Variants in POU5F1B observed in about 807,000 individuals in gnomAD.
The protein encoded by POU5F1B is POU class 5 homeobox 1B.
A neutral mutation model predicts 28.1 loss-of-function variants in POU5F1B; 24 were observed. That is an observed-to-expected ratio of 0.85 (90% CI 0.62 to 1.20). The LOEUF is 1.20. POU5F1B is among the 50% of genes most tolerant of loss of function. The probability of loss-of-function intolerance (pLI) is 0.00; values close to 1 mark genes in which losing one functional copy is unlikely to be tolerated. For synonymous variants in POU5F1B, 220 were observed against 193.2 expected (o/e 1.14, Z -1.15); for missense variants, 451 against 451.5 (o/e 1.00, Z 0.01).
At chr8:127,415,673 G>A (rs1159237434) in exon 3 of POU5F1B, 2 of 882,186 alleles carry the variant, frequency 2.3e-6, no homozygotes, top group South Asian at 3.4e-5. Context: ...CAATTCACAG[G>A]TGATTATGAT....
At chr8:127,416,874 C>T (rs1414778258) in exon 3 of POU5F1B, 1 of 1,601,174 alleles carries the variant, frequency 6.2e-7, no homozygotes, top group African/African-American at 1.3e-5. Flanking sequence ...ACTCCTCAGT[C>T]CCTTTCCCTG....
At chr8:127,416,682 G>A in exon 3 of POU5F1B, 1 of 1,607,768 alleles carries the variant, frequency 6.2e-7, no homozygotes, top group Non-Finnish European at 8.5e-7. Flanking sequence ...AGAAGGATGT[G>A]GTCCGAGTGT....
At chr8:127,416,497 G>C (rs1339066339) in exon 3 of POU5F1B, 1 of 1,609,428 alleles carries the variant, frequency 6.2e-7, no homozygotes, top group South Asian at 1.1e-5. Context: ...GGTGGAGGAA[G>C]CTGACAACAA....
At chr8:127,416,674 A>G in exon 3 of POU5F1B, 1 of 1,606,850 alleles carries the variant, frequency 6.2e-7, no homozygotes, top group East Asian at 2.2e-5. Flanking sequence ...TGGGCTCGAG[A>G]AGGATGTGGT....
chr8:127,415,605 A>G, exon 3 of POU5F1B: 2 of 529,382 alleles, frequency 3.8e-6, no homozygotes, highest in Non-Finnish European at 6.1e-6. Context: ...CAATGGACAC[A>G]TTATTCAACA....
exon 3 of POU5F1B, chr8:127,416,517 T>G: frequency 6.2e-7 from 1 of 1,609,206 alleles, no homozygotes; most frequent in East Asian, 2.2e-5. Context: ...ATGAAAATCT[T>G]CAGGAGATAT....
chr8:127,416,075 G>T (rs1388795009), exon 3 of POU5F1B: 2 of 1,612,598 alleles, frequency 1.2e-6, no homozygotes, highest in Non-Finnish European at 1.7e-6. Context: ...TATGAGTTAT[G>T]TGGGGGGATG....
At chr8:127,416,983 G>C (rs772229313) in exon 3 of POU5F1B, 1 of 1,580,024 alleles carries the variant, frequency 6.3e-7, no homozygotes, top group Non-Finnish European at 8.6e-7. Flanking sequence ...ACAGGGGAGG[G>C]GAGGAGCTAG....
exon 3 of POU5F1B, chr8:127,416,194 G>T (rs747888292): frequency 3.7e-6 from 6 of 1,613,844 alleles, no homozygotes; most frequent in Admixed American, 1.7e-5. Context: ...CTCCAATGGG[G>T]CCTCCCCGGA....
At chr8:127,415,726 A>G in exon 3 of POU5F1B, 2 of 1,347,490 alleles carry the variant, frequency 1.5e-6, no homozygotes, top group Non-Finnish European at 1.9e-6. Flanking sequence ...CATTCAGTCA[A>G]CATTTAATGA....
At position 127,415,860 on chromosome 8, in the gene POU5F1B, C is replaced by A; in HGVS notation, c.-7C>A. 6.6e-7 allele frequency: 1 copy of A among 1,515,274 alleles called. No individual in the cohort carries two copies. The highest frequency in any genetic ancestry group is 8.8e-7 in the Non-Finnish European group (1 of 1,132,280). 93.9% of individuals were successfully genotyped at this position (1,515,274 alleles called of 1,614,324 possible). Reference sequence around the variant, plus strand: ...CAGGCCCCCGGCTTGGGGCGCCTTCCTTCCCCATGGCGGGACACCTGGCTT... The same window carrying A: ...CAGGCCCCCGGCTTGGGGCGCCTTCATTCCCCATGGCGGGACACCTGGCTT... On this transcript the variant is annotated 5_prime_UTR_variant, in exon 3 of 3. Coordinates refer to ENST00000465342, the Ensembl canonical transcript of POU5F1B.
At chr8:127,416,064 G>C (rs1160586921) in exon 3 of POU5F1B, 1 of 1,611,748 alleles carries the variant, frequency 6.2e-7, no homozygotes, top group East Asian at 2.2e-5. Context: ...GCCCCCCGCC[G>C]TATGAGTTAT....
chr8:127,414,409 G>C (rs904409062), intron 1 of POU5F1B, among the ~76,000 whole-genome samples: 1 of 152,126 alleles, frequency 6.6e-6, no homozygotes, highest in African/African-American at 2.4e-5. Context: ...GGGAGAAGAG[G>C]GTTGCCACAT....
At chr8:127,417,084 G>T (rs1200791467) in exon 3 of POU5F1B, 10 of 1,218,512 alleles carry the variant, frequency 8.2e-6, no homozygotes, top group Middle Eastern at 2.8e-4. Flanking sequence ...GGTGGGGGCA[G>T]GGGAGTTTGG....
chr8:127,416,335 A>G (rs1222629206), exon 3 of POU5F1B: 2 of 1,613,046 alleles, frequency 1.2e-6, no homozygotes, highest in East Asian at 4.5e-5. Flanking sequence ...GAAGCAGAAG[A>G]GGATCACCCT....
chr8:127,416,121 G>T (rs1464416243), exon 3 of POU5F1B: 1 of 1,613,378 alleles, frequency 6.2e-7, no homozygotes, highest in Non-Finnish European at 8.5e-7. Context: ...TGGGGCTAGT[G>T]CCCCAAGGCG....
rs188813106 is a variant in POU5F1B at position 127,416,336 on chromosome 8, G to T, written c.470G>T (p.Arg157Met). 438 of 1,612,724 alleles carry T rather than the reference G, an allele frequency of 2.7e-4. 4 individuals carry two copies. The East Asian group carries it at 8.6e-3, about 32-fold the overall frequency. ...TTTGCCAAGCTCCTGAAGCAGAAGAGGATCACCCTGGGATATACACAGGCC... is the reference window on the plus strand; with the variant it reads ...TTTGCCAAGCTCCTGAAGCAGAAGATGATCACCCTGGGATATACACAGGCC... The change falls in exon 3 of 3, where the codon AGG (arginine) becomes ATG (methionine). Residue 157 changes from arginine to methionine, a missense_variant. Arg to Met is a moderately conservative substitution (Grantham distance 91). Coordinates refer to ENST00000465342, the Ensembl canonical transcript of POU5F1B.
chr8:127,416,017 G>A lies in POU5F1B; in HGVS notation c.151G>A (p.Val51Ile), dbSNP rs762108790. Residue 51 changes from valine (V) to isoleucine (I), a missense_variant, in exon 3 of 3, where the codon GTT (valine) becomes ATT (isoleucine). This residue lies in a region of POU5F1B where 233 missense variants were observed against 210.7 expected (regional missense o/e 1.11). Coordinates refer to ENST00000465342, the Ensembl canonical transcript of POU5F1B. ...TGGAGGGCCAGGAATCGGGCCGGGG[G>A]TTGGGCCAGGCTCTGAGGTGTGGGG... is the stretch of plus-strand genomic sequence containing the variant. The A allele has an allele frequency of 1.2e-5, 19 of 1,600,822 alleles. No homozygotes were observed. The South Asian group carries it at 1.8e-4, about 15-fold the overall frequency.
chr8:127,416,217 C>A (rs774729169), exon 3 of POU5F1B: 1 of 1,613,656 alleles, frequency 6.2e-7, no homozygotes, highest in South Asian at 1.1e-5. Context: ...CCTGCACCGT[C>A]CCCCCTGGTG....
Sources: allele counts gnomAD v4.1 joint callset (sites outside exome capture counted in the v4.1 genomes callset), GRCh38; gene constraint gnomAD v4.1.1; regional missense constraint gnomAD v4.1.1; transcripts MANE v1.5; gene names NCBI Gene and HGNC (gene_info 2026-07-23, HGNC 2026-07-21).